Variants in PSD3 observed in about 807,000 individuals in gnomAD.
PSD3 encodes the protein pleckstrin and Sec7 domain containing 3, also known as PH and SEC7 domain-containing protein 3.
In PSD3, 49 loss-of-function variants were observed where a neutral mutation model predicts 105.5. The ratio of observed to expected loss-of-function variants is 0.46; its 90% CI spans 0.37 to 0.59. PSD3 has a LOEUF of 0.59. PSD3 is among the 20% of genes least tolerant of loss of function. The probability of loss-of-function intolerance (pLI) is 0.00; values close to 1 mark genes in which losing one functional copy is unlikely to be tolerated. For synonymous variants in PSD3, 557 were observed against 457.8 expected (o/e 1.22, Z -2.77); for missense variants, 1,561 against 1,263.8 (o/e 1.24, Z -3.57).
chr8:18,949,244 A>AAAAAAAAAAAATAT (rs1345423514), intron 1 of PSD3, among the ~76,000 whole-genome samples: 7 of 14,400 alleles, frequency 4.9e-4, no homozygotes, highest in Non-Finnish European at 1.1e-3. Flanking sequence ...AAAAAAAAAA[A>AAAAAAAAAAAATAT]ATATATATAT....
intron 12 of PSD3, among the ~76,000 whole-genome samples, chr8:18,581,820 T>C (rs1214268313): frequency 6.6e-6 from 1 of 152,160 alleles, no homozygotes. Context: ...ACATGACATT[T>C]TGTAAAGGGA....
intron 4 of PSD3, among the ~76,000 whole-genome samples, chr8:18,831,162 A>T (rs1813650768): frequency 6.6e-6 from 1 of 151,746 alleles, no homozygotes; most frequent in Non-Finnish European, 1.5e-5. Context: ...GCTACTATTA[A>T]TCTGGTTCTG....
rs149359968 is a variant in PSD3, at chr8:18,532,794, C to A, written c.*2949G>T. 2 of 152,246 alleles carry A rather than the reference C, an allele frequency of 1.3e-5. No homozygotes were observed. The highest frequency in any genetic ancestry group is 4.8e-5 in the African/African-American group (2 of 41,544). 9.4% of individuals were successfully genotyped at this position (152,246 alleles called of 1,614,324 possible). ...GCCAGCATGCGAGGTGGGGACAAAC[C>A]CCTAAAATTCAGATTTTATACATGG... is the stretch of plus-strand genomic sequence containing the variant. On this transcript the variant is annotated 3_prime_UTR_variant, in exon 16 of 16. Coordinates refer to ENST00000327040, the MANE Select transcript of PSD3 (RefSeq NM_015310.4).
In PSD3 at chr8:18,857,560, G is replaced by T. The variant is rs573211409; in HGVS notation, c.1634+10114C>A. On this transcript the variant is annotated intron_variant, in intron 4 of 15. Coordinates refer to ENST00000327040, the MANE Select transcript of PSD3 (RefSeq NM_015310.4). ...AGGCTGGAGATGAGAAGCTTACAGA[G>T]CTCCCTGTATGATTCTAATGAGCAA... 7.8e-4 allele frequency among the ~76,000 whole-genome samples: 119 copies of T among 152,304 alleles called. 2 individuals carry two copies. In the Middle Eastern group the frequency reaches 0.01, roughly 13 times the overall value.
At chr8:18,820,046 T>C (rs1812562088) in intron 4 of PSD3, among the ~76,000 whole-genome samples, 1 of 152,208 alleles carries the variant, frequency 6.6e-6, no homozygotes, top group Non-Finnish European at 1.5e-5. Context: ...ACAAAAGTAT[T>C]ATTTATGCAG....
intron 9 of PSD3, among the ~76,000 whole-genome samples, chr8:18,727,606 T>C (rs949374580): frequency 1.4e-5 from 2 of 145,370 alleles, no homozygotes; most frequent in Non-Finnish European, 3.0e-5. Flanking sequence ...ACACCCCTCT[T>C]ATTCATCTTT....
chr8:18,706,446 A>C (rs867806164), intron 9 of PSD3, among the ~76,000 whole-genome samples: 2 of 152,222 alleles, frequency 1.3e-5, no homozygotes, highest in African/African-American at 4.8e-5. Flanking sequence ...AGGTCAACAA[A>C]CTAAAAGGAA....
intron 11 of PSD3, among the ~76,000 whole-genome samples, chr8:18,606,597 A>G (rs921369761): frequency 6.6e-6 from 1 of 152,214 alleles, no homozygotes; most frequent in African/African-American, 2.4e-5. Context: ...GAATTTATGC[A>G]CAAACTTTGT....
At chr8:18,569,041 A>C (rs1431127743) in intron 14 of PSD3, among the ~76,000 whole-genome samples, 12 of 137,112 alleles carry the variant, frequency 8.8e-5, no homozygotes, top group South Asian at 2.5e-4. Context: ...TGAACTCATC[A>C]TTTTTTATGG....
chr8:19,030,397 T>C (rs148189920), intron 1 of PSD3, among the ~76,000 whole-genome samples: 174 of 152,296 alleles, frequency 1.1e-3, no homozygotes, highest in African/African-American at 3.7e-3. Context: ...TCGTGTTGAA[T>C]TGTAATCCCC....
At chr8:18,706,713 C>T (rs1801924573) in intron 9 of PSD3, among the ~76,000 whole-genome samples, 1 of 152,204 alleles carries the variant, frequency 6.6e-6, no homozygotes, top group Non-Finnish European at 1.5e-5. Flanking sequence ...TTGGCAAACA[C>T]ATCCTCACTG....
At chr8:18,705,345 T>A (rs1405060319) in intron 9 of PSD3, among the ~76,000 whole-genome samples, 2 of 151,958 alleles carry the variant, frequency 1.3e-5, no homozygotes, top group African/African-American at 4.8e-5. Context: ...CAGGGCAACA[T>A]GGCTTAAGAC....
chr8:18,590,935 C>T (rs1195593008), intron 12 of PSD3, among the ~76,000 whole-genome samples: 1 of 152,076 alleles, frequency 6.6e-6, no homozygotes, highest in African/African-American at 2.4e-5. Context: ...GAATAAGACG[C>T]CAAAACTGTG....
chr8:18,975,808 T>A (rs1231321857), intron 1 of PSD3, among the ~76,000 whole-genome samples: 1 of 152,112 alleles, frequency 6.6e-6, no homozygotes, highest in East Asian at 1.9e-4. Context: ...GGAAAATGTC[T>A]CAATGCTAAC....
At chr8:18,581,572 C>T (rs1355019252) in intron 12 of PSD3, among the ~76,000 whole-genome samples, 1 of 152,164 alleles carries the variant, frequency 6.6e-6, no homozygotes, top group African/African-American at 2.4e-5. Context: ...CAAGCTCTAT[C>T]TCAGAGAGTT....
rs537555257 is a variant in PSD3 at position 18,847,654 on chromosome 8, A to T, written c.1634+20020T>A. The stretch of plus-strand genomic sequence containing the variant: ...CCATGTGAATTATTTAACCAAATCT[A>T]ATTTTTCAGATAAGTAAAAGAAAGC... On this transcript the variant is annotated intron_variant, in intron 4 of 15. Transcript: ENST00000327040. Among the ~76,000 whole-genome samples, 15 of 152,328 alleles carry T rather than the reference A, an allele frequency of 9.8e-5. 1 individual carries two copies. The highest frequency in any genetic ancestry group is 8.3e-4 in the South Asian group (4 of 4,828).
At chr8:18,704,744 C>T (rs1176366533) in intron 9 of PSD3, among the ~76,000 whole-genome samples, 1 of 152,070 alleles carries the variant, frequency 6.6e-6, no homozygotes, top group Non-Finnish European at 1.5e-5. Context: ...TGCCTTCCTA[C>T]AACATTCATG....
chr8:19,036,308 T>C (rs1172660103), intron 1 of PSD3, among the ~76,000 whole-genome samples: 1 of 152,040 alleles, frequency 6.6e-6, no homozygotes, highest in Non-Finnish European at 1.5e-5. Flanking sequence ...AACAGCTGCT[T>C]ACCAGGAAGG....
intron 9 of PSD3, among the ~76,000 whole-genome samples, chr8:18,734,918 C>T (rs1220164737): frequency 6.6e-6 from 1 of 152,134 alleles, no homozygotes; most frequent in Non-Finnish European, 1.5e-5. Flanking sequence ...ACGAACAGTC[C>T]TCATCTCAGT....
Sources: gnomAD v4.1 joint callset for allele counts (sites outside exome capture counted in the v4.1 genomes callset) on GRCh38, gnomAD v4.1.1 for gene constraint, MANE v1.5 for transcripts, NCBI Gene and HGNC (gene_info 2026-07-23, HGNC 2026-07-21) for gene names.